UBXN2A: variants seen among roughly 807,000 people sequenced by gnomAD.
UBXN2A encodes UBX domain protein 2A.
A neutral mutation model predicts 28.4 loss-of-function variants in UBXN2A; 28 were observed. The observed-to-expected ratio is 0.99, with a 90% CI of 0.73 to 1.35. The LOEUF (loss-of-function observed/expected upper bound fraction) is 1.35, where lower values mean the gene tolerates loss of function less well. UBXN2A is among the 40% of genes most tolerant of loss of function. UBXN2A has a pLI of 0.00. For missense variants in UBXN2A, 253 were observed against 297.9 expected (o/e 0.85, Z 1.11); for synonymous variants, 97 against 103.6 (o/e 0.94, Z 0.39).
chr2:23,963,758 T>C (rs1446041831), intron 2 of UBXN2A, among the ~76,000 whole-genome samples: 1 of 152,042 alleles, frequency 6.6e-6, no homozygotes, highest in Non-Finnish European at 1.5e-5. Context: ...AAATTAAAAA[T>C]AGAATTGCCA....
chr2:23,931,709 T>C (rs77920719), intron 1 of UBXN2A, among the ~76,000 whole-genome samples: 5,844 of 152,196 alleles, frequency 0.038, 108 homozygotes, highest in South Asian at 0.046. Context: ...ATTTGACCTT[T>C]TCTCTGCGTG....
At chr2:23,936,833 C>T (rs900970539), upstream of UBXN2A, among the ~76,000 whole-genome samples, 2 of 152,048 alleles carry the variant, frequency 1.3e-5, no homozygotes, top group Non-Finnish European at 2.9e-5. Context: ...GCCTCAGCCT[C>T]CCGAGTAGCT....
intron 2 of UBXN2A, among the ~76,000 whole-genome samples, chr2:23,966,411 AG>A (rs1419016998): frequency 2.6e-5 from 4 of 151,152 alleles, no homozygotes; most frequent in Non-Finnish European, 5.9e-5. Context: ...CTAGGATTAC[AG>A]GCGTGAGCCA....
upstream of UBXN2A, among the ~76,000 whole-genome samples, chr2:23,935,576 CACACAT>C (rs1705499538): frequency 6.6e-6 from 1 of 152,170 alleles, no homozygotes; most frequent in African/African-American, 2.4e-5. Flanking sequence ...TAGTTATAAA[CACACAT>C]ACACATACAC....
At chr2:23,996,812 A>T (rs1191951640) in intron 6 of UBXN2A, 1 of 132,060 alleles carries the variant, frequency 7.6e-6, no homozygotes, top group Non-Finnish European at 1.6e-5. Flanking sequence ...GGGTCTCGCT[A>T]TGTTGCCCAG....
chr2:23,934,607 A>G (rs1426017205), intron 1 of UBXN2A, among the ~76,000 whole-genome samples: 1 of 152,230 alleles, frequency 6.6e-6, no homozygotes, highest in Non-Finnish European at 1.5e-5. Flanking sequence ...GAACTCTATT[A>G]TGTACCTATG....
chr2:23,944,433 G>A, intron 1 of UBXN2A: 2 of 945,100 alleles, frequency 2.1e-6, no homozygotes, highest in South Asian at 1.3e-5. Context: ...TCTCCACCCT[G>A]GGAAAAGTTC....
upstream of UBXN2A, among the ~76,000 whole-genome samples, chr2:23,935,585 A>C (rs1705499763): frequency 6.6e-6 from 1 of 152,238 alleles, no homozygotes; most frequent in African/African-American, 2.4e-5. Flanking sequence ...ACACACATAC[A>C]CATACACACA....
At chr2:23,944,101 G>C in intron 1 of UBXN2A, 1 of 702,304 alleles carries the variant, frequency 1.4e-6, no homozygotes, top group Non-Finnish European at 2.6e-6. Context: ...GTCTCTTTTT[G>C]GCATGTCAGC....
At position 23,982,929 on chromosome 2, in the gene UBXN2A, T is replaced by G; in HGVS notation, c.321T>G (p.Asp107Glu). The change falls in exon 5 of 7, where the codon GAT becomes GAG. Residue 107 changes from aspartate to glutamate, a missense_variant. By Grantham distance (45) the Asp-to-Glu change is conservative. Transcript: ENST00000309033. ...CTTCAGAATTACAGGGAATTTTTGA[T>G]AAAGAAGAGGTGGACGTTAAAGTTG... is the stretch of plus-strand genomic sequence containing the variant. Reference protein sequence around the residue: ...ELPSELQGIFDKEEVDVKVED... With the variant: ...ELPSELQGIFEKEEVDVKVED... The G allele has an allele frequency of 6.2e-7, 1 of 1,609,814 alleles. No individual in the cohort carries two copies. The highest frequency in any genetic ancestry group is 8.5e-7 in the Non-Finnish European group (1 of 1,178,052).
rs35139100 is a variant in UBXN2A, at chr2:23,954,931, C to CTTT, written c.-14-3352_-14-3350dup. 5.1e-3 allele frequency among the ~76,000 whole-genome samples: 610 copies of CTTT among 120,790 alleles called. 10 individuals carry two copies. Among genetic ancestry groups the CTTT allele is most frequent in the Middle Eastern group, 0.022 (4 of 182 alleles). The allele number at this position is 120,790 out of a possible 152,430, so 79.2% of individuals were successfully genotyped here. The stretch of plus-strand genomic sequence containing the variant: ...GTGCCACTGTGCCCAGCTTGCCTAC[C>CTTT]TTTTTTTTTTTTTTTTTTTTGAAAC... On this transcript the variant is annotated intron_variant, in intron 1 of 6. Coordinates refer to ENST00000309033, the MANE Select transcript of UBXN2A (RefSeq NM_181713.4).
At chr2:23,977,686 T>A (rs77613368) in intron 4 of UBXN2A, among the ~76,000 whole-genome samples, 5 of 152,176 alleles carry the variant, frequency 3.3e-5, no homozygotes, top group African/African-American at 1.2e-4. Flanking sequence ...GAATGAGTAA[T>A]CTTTGTAATC....
upstream of UBXN2A, among the ~76,000 whole-genome samples, chr2:23,939,378 A>G (rs1051491300): frequency 6.6e-6 from 1 of 152,130 alleles, no homozygotes; most frequent in Admixed American, 6.5e-5. Flanking sequence ...CAACCATGAG[A>G]TCTGCAGCGA....
chr2:23,944,423 T>A, intron 1 of UBXN2A: 1 of 1,049,782 alleles, frequency 9.5e-7, no homozygotes, highest in Non-Finnish European at 1.5e-6. Flanking sequence ...GTCAGTCTTA[T>A]CTCCACCCTG....
chr2:23,940,512 G>GCGC lies in UBXN2A; in HGVS notation c.-149_-148insCCG, dbSNP rs1268126195. ...GAGAGGCTGGCGGGATCTCAGCGGC[G>GCGC]CGGCCGCGGAACCTGAGGCGGTCTG... On this transcript the variant is annotated 5_prime_UTR_variant, in exon 1 of 7. Coordinates refer to ENST00000309033, the MANE Select transcript of UBXN2A (RefSeq NM_181713.4). The GCGC allele has an allele frequency of 6.6e-6, 1 of 151,280 alleles. No individual in the cohort carries two copies. Among genetic ancestry groups the GCGC allele is most frequent in the Non-Finnish European group, 1.5e-5 (1 of 67,790 alleles). 9.4% of individuals were successfully genotyped at this position (151,280 alleles called of 1,614,324 possible).
At chr2:23,983,873 G>A (rs1267168122) in intron 5 of UBXN2A, among the ~76,000 whole-genome samples, 1 of 151,922 alleles carries the variant, frequency 6.6e-6, no homozygotes, top group Non-Finnish European at 1.5e-5. Context: ...ACAGGGTTTC[G>A]CCATGTTGGC....
intron 6 of UBXN2A, among the ~76,000 whole-genome samples, chr2:23,995,120 C>T (rs892864858): frequency 1.9e-4 from 29 of 152,248 alleles, no homozygotes; most frequent in African/African-American, 5.1e-4. Context: ...GAATTTGTTA[C>T]GGTTTTCTGG....
rs1705799967 is a variant in UBXN2A, at chr2:23,942,286, A to G, written c.-15+1638A>G. 5.3e-5 allele frequency among the ~76,000 whole-genome samples: 8 copies of G among 152,232 alleles called. No homozygotes were observed. The South Asian group carries it at 1.7e-3, about 32-fold the overall frequency. ...AAGATGACTCCCAAAGGAGAGAAGA[A>G]AGGCTCAGGCAAAGGAAATAGATGG... On this transcript the variant is annotated intron_variant, in intron 1 of 6. Transcript: ENST00000309033.
At chr2:23,976,624 A>G (rs771214026) in intron 3 of UBXN2A, among the ~76,000 whole-genome samples, 4 of 152,152 alleles carry the variant, frequency 2.6e-5, no homozygotes, top group African/African-American at 4.8e-5. Flanking sequence ...CAAGAATTGC[A>G]TGGGAAACAC....
Sources: gnomAD v4.1 joint callset for allele counts (sites outside exome capture counted in the v4.1 genomes callset) on GRCh38, gnomAD v4.1.1 for gene constraint, MANE v1.5 for transcripts, NCBI Gene and HGNC (gene_info 2026-07-23, HGNC 2026-07-21) for gene names.